BRD4: variants seen among roughly 807,000 people sequenced by gnomAD.
The protein encoded by BRD4 is bromodomain containing 4.
Under a neutral mutation model 142.1 loss-of-function variants are expected in BRD4, and 16 were observed. The ratio of observed to expected loss-of-function variants is 0.11; its 90% confidence interval spans 0.08 to 0.17. BRD4 has a LOEUF of 0.17. Ranked by LOEUF, BRD4 falls within the 10% of genes least tolerant of loss-of-function variation. BRD4 has a pLI of 1.00. For synonymous variants in BRD4, 833 were observed against 707.5 expected (o/e 1.18, Z -2.82); for missense variants, 1,424 against 1,810.9 (o/e 0.79, Z 3.88).
At chr19:15,292,501 G>A (rs943489385) in intron 1 of BRD4, among the ~76,000 whole-genome samples, 3 of 152,162 alleles carry the variant, frequency 2.0e-5, no homozygotes, top group Non-Finnish European at 2.9e-5. Context: ...AGCCTGGGCC[G>A]GGCGCAGTGG....
chr19:15,312,678 G>A (rs1405468062), intron 1 of BRD4, among the ~76,000 whole-genome samples: 1 of 151,906 alleles, frequency 6.6e-6, no homozygotes, highest in Non-Finnish European at 1.5e-5. Context: ...GCTCACATCT[G>A]CAATCCTAGA....
At chr19:15,315,489 A>C (rs896391215) in intron 1 of BRD4, among the ~76,000 whole-genome samples, 2 of 152,072 alleles carry the variant, frequency 1.3e-5, no homozygotes, top group African/African-American at 4.8e-5. Context: ...ATTCTCTTGG[A>C]AACAGAATCC....
At chr19:15,282,667 C>T (rs1376052708) in intron 1 of BRD4, among the ~76,000 whole-genome samples, 1 of 152,226 alleles carries the variant, frequency 6.6e-6, no homozygotes. Flanking sequence ...GTGCCCTTCA[C>T]AGTTAAGAGT....
chr19:15,263,333 A>C, intron 7 of BRD4, 87 bp downstream of exon 7: 1 of 1,493,600 alleles, frequency 6.7e-7, no homozygotes, highest in South Asian at 1.3e-5. Flanking sequence ...GACAGAAAAA[A>C]AAACTCTGCC....
chr19:15,259,869 G>C (rs2047450443), intron 7 of BRD4, among the ~76,000 whole-genome samples: 1 of 152,238 alleles, frequency 6.6e-6, no homozygotes, highest in Non-Finnish European at 1.5e-5. Flanking sequence ...AGACCTAAGA[G>C]TGAAAAGAAC....
At chr19:15,290,383 G>A (rs912762994) in intron 1 of BRD4, among the ~76,000 whole-genome samples, 1 of 152,158 alleles carries the variant, frequency 6.6e-6, no homozygotes, top group Non-Finnish European at 1.5e-5. Flanking sequence ...TTAGAAAACA[G>A]AAATAGAATT....
chr19:15,283,198 G>C (rs2047717477), intron 1 of BRD4, among the ~76,000 whole-genome samples: 1 of 152,106 alleles, frequency 6.6e-6, no homozygotes, highest in African/African-American at 2.4e-5. Flanking sequence ...TACAAAGACA[G>C]CAAGAGTGGG....
At position 15,253,515 on chromosome 19, in the gene BRD4, G is replaced by A. The variant is rs767471482; in HGVS notation, c.2158+637C>T. 19 of 1,506,320 alleles carry A rather than the reference G, an allele frequency of 1.3e-5. No homozygotes were observed. In the East Asian group the frequency reaches 4.2e-4, roughly 33 times the overall value. The allele number at this position is 1,506,320 out of a possible 1,614,324, so 93.3% of individuals were successfully genotyped here. A position where few individuals can be genotyped will look rare whatever the true frequency, so the allele number is the denominator to read the frequency against. Reference sequence around the variant, plus strand: ...AAGGGACTGTTAGTTAGAACTGCAGGAGGGACACGCAAGTCCAGGTGCGTG... The same window carrying A: ...AAGGGACTGTTAGTTAGAACTGCAGAAGGGACACGCAAGTCCAGGTGCGTG... On this transcript the variant is annotated intron_variant, in intron 11 of 19. Transcript: ENST00000679869.
rs1349558407 is a variant in BRD4 at position 15,236,454 on chromosome 19, G to C, written c.*1923C>G. ...TGAGCTTAAATGAAAGGAGGAGTTA[G>C]GTTGAGGCAGGCAAGGTGGGAGAAG... is the stretch of plus-strand genomic sequence containing the variant. On this transcript the variant is annotated 3_prime_UTR_variant, in exon 20 of 20. Coordinates refer to ENST00000679869, the MANE Select transcript of BRD4 (RefSeq NM_001379291.1). 2 of 151,842 alleles carry C rather than the reference G, an allele frequency of 1.3e-5. No individual in the cohort carries two copies. The highest frequency in any genetic ancestry group is 2.9e-5 in the Non-Finnish European group (2 of 68,020). The allele number at this position is 151,842 out of a possible 1,614,324, so 9.4% of individuals were successfully genotyped here.
intron 6 of BRD4, 142 bp from the exon 7 acceptor site, chr19:15,263,690 G>A: frequency 9.4e-7 from 1 of 1,058,394 alleles, no homozygotes. Flanking sequence ...TGGGGGGACA[G>A]GCCATCACCC....
rs368420475 is a variant in BRD4, at chr19:15,254,770, G to A, written c.2048-508C>T. ...GGACCCCAGGAGCTAGTCAGGGCTG[G>A]GGACAAAGACTGTGTGCAATGCCCT... On this transcript the variant is annotated intron_variant, in intron 10 of 19. Transcript: ENST00000679869. Among the ~76,000 whole-genome samples the A allele has an allele frequency of 3.9e-5, 6 of 152,224 alleles. No homozygotes were observed. In the South Asian group the frequency reaches 1.2e-3, roughly 32 times the overall value.
intron 1 of BRD4, among the ~76,000 whole-genome samples, chr19:15,326,880 A>C (rs958760120): frequency 6.6e-6 from 1 of 152,202 alleles, no homozygotes; most frequent in African/African-American, 2.4e-5. Context: ...CGAGACTGAA[A>C]ACAAACTGCT....
rs2047211897 is a variant in BRD4 at position 15,238,545 on chromosome 19, C to A, written c.4021-100G>T. 3 of 1,581,330 alleles carry A rather than the reference C, an allele frequency of 1.9e-6. No individual in the cohort carries two copies. The highest frequency in any genetic ancestry group is 3.5e-5 in the Admixed American group (2 of 57,232). ...CCAGCAGTCAGCCCCGTAGCCCTCCCCGTGGCTGACCCCTCATAGCGCTCA... is the reference window on the plus strand; with the variant it reads ...CCAGCAGTCAGCCCCGTAGCCCTCCACGTGGCTGACCCCTCATAGCGCTCA... On this transcript the variant is annotated intron_variant, in intron 19 of 19. Coordinates refer to ENST00000679869, the MANE Select transcript of BRD4 (RefSeq NM_001379291.1). The surrounding 1 kb of genome is among the most constrained non-coding windows in gnomAD (Gnocchi z 7.2).
intron 14 of BRD4, 144 bp from the exon 15 acceptor site, chr19:15,240,166 C>T (rs896404970): frequency 2.3e-6 from 3 of 1,315,174 alleles, no homozygotes; most frequent in Admixed American, 2.8e-5. Context: ...TAGCCCAGCT[C>T]AAAAAGGGTG....
chr19:15,243,725 C>T (rs1008417014), intron 13 of BRD4, among the ~76,000 whole-genome samples: 4 of 152,164 alleles, frequency 2.6e-5, no homozygotes, highest in African/African-American at 7.2e-5. Flanking sequence ...GCTCCTGCTC[C>T]CCATGCTCAC....
At chr19:15,288,428 AAG>A (rs1399559852) in intron 1 of BRD4, among the ~76,000 whole-genome samples, 1 of 152,200 alleles carries the variant, frequency 6.6e-6, no homozygotes, top group Non-Finnish European at 1.5e-5. Flanking sequence ...TAAATAGAAG[AAG>A]AGGAGTGAAA....
intron 11 of BRD4, among the ~76,000 whole-genome samples, chr19:15,251,190 T>A (rs1224535163): frequency 6.6e-6 from 1 of 151,968 alleles, no homozygotes; most frequent in African/African-American, 2.4e-5. Flanking sequence ...CGTTGCTCCC[T>A]GAACTAGAGC....
chr19:15,277,412 G>A (rs1016188423), intron 1 of BRD4, among the ~76,000 whole-genome samples: 1 of 152,110 alleles, frequency 6.6e-6, no homozygotes, highest in African/African-American at 2.4e-5. Flanking sequence ...CAAGGCAATT[G>A]ATCATTTCAA....
chr19:15,280,745 A>AG (rs1479183404), intron 1 of BRD4, among the ~76,000 whole-genome samples: 2 of 152,202 alleles, frequency 1.3e-5, no homozygotes, highest in African/African-American at 2.4e-5. Flanking sequence ...CATACCCTTC[A>AG]GGTAGAGGAG....
Sources: allele counts gnomAD v4.1 joint callset (sites outside exome capture counted in the v4.1 genomes callset), GRCh38; gene constraint gnomAD v4.1.1; non-coding constraint Gnocchi (gnomAD v3.1); transcripts MANE v1.5; gene names NCBI Gene and HGNC (gene_info 2026-07-23, HGNC 2026-07-21).